Variants in ASAH2 observed in about 807,000 individuals in gnomAD.
The protein encoded by ASAH2 is N-acylsphingosine amidohydrolase 2.
ASAH2 carries 58 observed loss-of-function variants against 82.9 expected under a neutral mutation model. That is an observed-to-expected ratio of 0.70 (90% CI 0.57 to 0.87). The LOEUF is 0.87. ASAH2 is among the 40% of genes least tolerant of loss of function. ASAH2 has a pLI of 0.00. For synonymous variants in ASAH2, 276 were observed against 289.7 expected, an observed-to-expected ratio of 0.95 and a Z score of 0.48; for missense variants, 779 against 834.0, an observed-to-expected ratio of 0.93 and a Z score of 0.81.
intron 10 of ASAH2, 86 bp downstream of exon 10, chr10:50,212,886 A>T: frequency 2.3e-6 from 3 of 1,307,400 alleles, no homozygotes. Flanking sequence ...GTTTTCTTTA[A>T]GTATTCAACT....
intron 4 of ASAH2, chr10:50,240,493 A>G (rs759959229): frequency 1.3e-4 from 90 of 702,222 alleles, no homozygotes; most frequent in African/African-American, 1.2e-3. Context: ...TAATCATCCT[A>G]AAACAAAATG....
chr10:50,188,968 T>C (rs1364244096), intron 20 of ASAH2, among the ~76,000 whole-genome samples: 1 of 134,608 alleles, frequency 7.4e-6, no homozygotes, highest in Non-Finnish European at 1.6e-5. Context: ...CAAAGAGATA[T>C]GTCTCTCCGG....
intron 7 of ASAH2, among the ~76,000 whole-genome samples, chr10:50,222,732 T>C (rs1047765739): frequency 3.3e-5 from 5 of 152,222 alleles, no homozygotes; most frequent in Non-Finnish European, 5.9e-5. Context: ...CTTTGAAATG[T>C]GCACTATTAA....
intron 4 of ASAH2, among the ~76,000 whole-genome samples, chr10:50,237,073 A>G (rs1159898215): frequency 6.6e-6 from 1 of 152,234 alleles, no homozygotes; most frequent in East Asian, 1.9e-4. Flanking sequence ...GCTCTCTTTT[A>G]GCAGAGGCTG....
chr10:50,204,343 G>A lies in ASAH2; in HGVS notation c.1625+518C>T, dbSNP rs1488659265. Reference sequence around the variant, plus strand: ...GATCGTGGTAACTTAGACCAGGAAGGGAAGTGACAGAAGGTGTTGGGTAGA... The same window carrying A: ...GATCGTGGTAACTTAGACCAGGAAGAGAAGTGACAGAAGGTGTTGGGTAGA... On this transcript the variant is annotated intron_variant, in intron 14 of 20. Coordinates refer to ENST00000682911, the MANE Select transcript of ASAH2 (RefSeq NM_019893.4). Among the ~76,000 whole-genome samples, 11 of 152,062 alleles carry A rather than the reference G, an allele frequency of 7.2e-5. No individual in the cohort carries two copies. The East Asian group carries it at 1.5e-3, about 21-fold the overall frequency.
chr10:50,228,365 G>T (rs1845941726), intron 7 of ASAH2, among the ~76,000 whole-genome samples: 2 of 152,172 alleles, frequency 1.3e-5, no homozygotes, highest in South Asian at 2.1e-4. Context: ...GGAGGGGAGA[G>T]TATAGAGTCA....
At chr10:50,215,957 T>C (rs371373086) in intron 8 of ASAH2, among the ~76,000 whole-genome samples, 9 of 152,112 alleles carry the variant, frequency 5.9e-5, no homozygotes, top group African/African-American at 1.9e-4. Flanking sequence ...GTGGCACATA[T>C]ACACCATGGA....
At chr10:50,216,149 G>T (rs1845593672) in intron 8 of ASAH2, among the ~76,000 whole-genome samples, 1 of 146,540 alleles carries the variant, frequency 6.8e-6, no homozygotes, top group South Asian at 2.2e-4. Flanking sequence ...ACACACTGGG[G>T]CCTGTCAGGG....
At chr10:50,213,787 T>C (rs1165329220) in intron 9 of ASAH2, among the ~76,000 whole-genome samples, 3 of 152,114 alleles carry the variant, frequency 2.0e-5, no homozygotes, top group East Asian at 3.9e-4. Context: ...ACTAAGACTT[T>C]AATATATTAG....
At chr10:50,221,747 G>C (rs1164814307) in intron 7 of ASAH2, among the ~76,000 whole-genome samples, 1 of 150,020 alleles carries the variant, frequency 6.7e-6, no homozygotes, top group Admixed American at 6.7e-5. Flanking sequence ...GATAGAGATA[G>C]AGATATATGC....
chr10:50,210,769 G>A (rs1845431613), intron 12 of ASAH2, 54 bp downstream of exon 12: 1 of 1,368,042 alleles, frequency 7.3e-7, no homozygotes, highest in Admixed American at 1.7e-5. Flanking sequence ...TCAGAGAACA[G>A]AACCCAGAAG....
intron 8 of ASAH2, among the ~76,000 whole-genome samples, chr10:50,216,308 TAAA>T (rs5784823): frequency 7.3e-4 from 111 of 151,114 alleles, no homozygotes; most frequent in Non-Finnish European, 9.6e-4. Context: ...AGTATAATAA[TAAA>T]AAAAAAAATC....
intron 2 of ASAH2, 32 bp from the exon 3 acceptor site, chr10:50,245,486 A>G (rs1846430638): frequency 1.9e-6 from 3 of 1,566,970 alleles, no homozygotes; most frequent in Non-Finnish European, 2.6e-6. Flanking sequence ...GAGAAACAAC[A>G]TTTCAGCCCT....
At chr10:50,220,788 A>T (rs1256914097) in intron 7 of ASAH2, among the ~76,000 whole-genome samples, 1 of 132,040 alleles carries the variant, frequency 7.6e-6, no homozygotes, top group African/African-American at 2.7e-5. Context: ...TTAAGTTTTT[A>T]AAAAAGAAGT....
At position 50,211,552 on chromosome 10, in the gene ASAH2, G is replaced by C. The variant is rs1286958605; in HGVS notation, c.1228-418C>G. 2.6e-5 allele frequency among the ~76,000 whole-genome samples: 4 copies of C among 152,168 alleles called. No individual in the cohort carries two copies. The East Asian group carries it at 7.7e-4, about 29-fold the overall frequency. ...AATACTTGAGTCCTGCAGCAGGTTG[G>C]GGACAAAGGTGGCTTGGAAGACTTC... On this transcript the variant is annotated intron_variant, in intron 10 of 20. Coordinates refer to ENST00000682911, the MANE Select transcript of ASAH2 (RefSeq NM_019893.4).
At chr10:50,214,979 CAG>C (rs1363459044) in intron 8 of ASAH2, 111 bp from the exon 9 acceptor site, 2 of 1,363,868 alleles carry the variant, frequency 1.5e-6, no homozygotes, top group Admixed American at 2.1e-5. Context: ...AAATCATTTG[CAG>C]GCAATAAAAA....
chr10:50,187,719 C>T (rs375075290), intron 20 of ASAH2, among the ~76,000 whole-genome samples: 992 of 1,892 alleles, frequency 0.52, 259 homozygotes, highest in Non-Finnish European at 0.83. Context: ...TTTGTAGAAA[C>T]AGCTTTACTT....
intron 7 of ASAH2, among the ~76,000 whole-genome samples, chr10:50,228,615 C>G (rs1845949517): frequency 6.6e-6 from 1 of 152,080 alleles, no homozygotes; most frequent in Non-Finnish European, 1.5e-5. Flanking sequence ...ACTTTTTACA[C>G]AAATGATTCA....
chr10:50,232,719 C>A (rs1442398148), intron 7 of ASAH2, among the ~76,000 whole-genome samples: 1 of 152,100 alleles, frequency 6.6e-6, no homozygotes, highest in Non-Finnish European at 1.5e-5. Context: ...TCCCTACTTG[C>A]CATTGTCCTG....
Sources: allele counts gnomAD v4.1 joint callset (sites outside exome capture counted in the v4.1 genomes callset), GRCh38; gene constraint gnomAD v4.1.1; transcripts MANE v1.5; gene names NCBI Gene and HGNC (gene_info 2026-07-23, HGNC 2026-07-21).